Variants in H2AC20 observed in about 807,000 individuals in gnomAD.
The protein encoded by H2AC20 is histone H2A type 2-C.
H2AC20 carries 7 observed loss-of-function variants against 7.1 expected under a neutral mutation model. The ratio of observed to expected loss-of-function variants is 0.99; its 90% CI spans 0.56 to 1.85. The LOEUF (loss-of-function observed/expected upper bound fraction) is 1.85. Ranked by LOEUF, H2AC20 falls within the 40% of genes most tolerant of loss-of-function variation. H2AC20 has a pLI of 0.00. For synonymous variants in H2AC20, 97 were observed against 82.2 expected (o/e 1.18, Z -0.98); for missense variants, 127 against 179.6 (o/e 0.71, Z 1.67).
rs782232831 is a variant in H2AC20, at chr1:149,887,199, G to A, written c.225G>A (p.Lys75=). ...CGGGCAACGCGGCTCGGGACAACAA[G>A]AAGACGCGCATCATCCCTCGTCACC... ...ELAGNAARDN[K]KTRIIPRHLQ... is the part of the protein sequence containing the mutation. The change falls in exon 1 of 1, where the codon AAG becomes AAA. Residue 75 remains lysine, a synonymous_variant. Transcript: ENST00000331380. The A allele has an allele frequency of 1.9e-6, 3 of 1,614,120 alleles. No individual in the cohort carries two copies. Among genetic ancestry groups the A allele is most frequent in the East Asian group, 2.2e-5 (1 of 44,852 alleles).
In H2AC20 at chr1:149,886,963, T is replaced by C. The variant is rs1256101492; in HGVS notation, c.-12T>C. On this transcript the variant is annotated 5_prime_UTR_variant, in exon 1 of 1. Coordinates refer to ENST00000331380, the MANE Select transcript of H2AC20 (RefSeq NM_003517.3). Reference sequence around the variant, plus strand: ...TTCTGAGCGTTGTCTGTGTTTAACCTTGATTTCAGTCATGTCTGGTCGTGG... The same window carrying C: ...TTCTGAGCGTTGTCTGTGTTTAACCCTGATTTCAGTCATGTCTGGTCGTGG... The C allele has an allele frequency of 1.2e-6, 2 of 1,614,066 alleles. No individual in the cohort carries two copies. The highest frequency in any genetic ancestry group is 1.3e-5 in the African/African-American group (1 of 74,958).
In H2AC20 at chr1:149,887,266, C is replaced by A. The variant is rs782746050; in HGVS notation, c.292C>A (p.Leu98Met). 1.2e-6 allele frequency: 2 copies of A among 1,614,240 alleles called. No homozygotes were observed. The highest frequency in any genetic ancestry group is 2.2e-5 in the South Asian group (2 of 91,090). Residue 98 changes from leucine to methionine, a missense_variant, in exon 1 of 1, where the codon CTG becomes ATG. Leu to Met is a conservative substitution (Grantham distance 15). Transcript: ENST00000331380. ...IRNDEELNKLLGKVTIAQGGV... is the reference protein window; with the variant it reads ...IRNDEELNKLMGKVTIAQGGV... ...CAACGACGAGGAACTGAACAAGCTG[C>A]TGGGCAAAGTCACCATCGCCCAGGG...
At chr1:149,887,410 CAA>C (rs1253531497) in exon 1 of H2AC20, 1 of 1,572,728 alleles carries the variant, frequency 6.4e-7, no homozygotes, top group African/African-American at 1.4e-5. Context: ...TAGAGCCACC[CAA>C]GTTTTCAAAA....
chr1:149,887,234 C>A lies in H2AC20; in HGVS notation c.260C>A (p.Ala87Asp), dbSNP rs1412846768. The change falls in exon 1 of 1, where the codon GCC becomes GAC. Residue 87 changes from alanine (A) to aspartate (D), a missense_variant. Coordinates refer to ENST00000331380, the MANE Select transcript of H2AC20 (RefSeq NM_003517.3). ...ATCATCCCTCGTCACCTCCAGCTGG[C>A]CATCCGCAACGACGAGGAACTGAAC... ...TRIIPRHLQL[A>D]IRNDEELNKL... 1 of 1,614,082 alleles carries A rather than the reference C, an allele frequency of 6.2e-7. No individual in the cohort carries two copies. The highest frequency in any genetic ancestry group is 8.5e-7 in the Non-Finnish European group (1 of 1,180,046).
rs781925694 is a variant in H2AC20, at chr1:149,886,971, A to G, written c.-4A>G. On this transcript the variant is annotated 5_prime_UTR_variant, in exon 1 of 1. Coordinates refer to ENST00000331380, the MANE Select transcript of H2AC20 (RefSeq NM_003517.3). The stretch of plus-strand genomic sequence containing the variant: ...GTTGTCTGTGTTTAACCTTGATTTC[A>G]GTCATGTCTGGTCGTGGCAAACAAG... The G allele has an allele frequency of 1.7e-5, 27 of 1,614,036 alleles. No individual in the cohort carries two copies. Among genetic ancestry groups the G allele is most frequent in the Non-Finnish European group, 2.2e-5 (26 of 1,180,014 alleles).
Position 149,887,260 on chromosome 1 carries a change from A to T in H2AC20, c.286A>T (p.Lys96Ter). 1 of 1,614,206 alleles carries T rather than the reference A, an allele frequency of 6.2e-7. No homozygotes were observed. Among genetic ancestry groups the T allele is most frequent in the Middle Eastern group, 1.6e-4 (1 of 6,062 alleles). ...LAIRNDEELN[K>*]LLGKVTIAQG... ...CATCCGCAACGACGAGGAACTGAAC[A>T]AGCTGCTGGGCAAAGTCACCATCGC... Residue 96 changes from lysine to a stop codon, truncating the protein, a stop_gained, in exon 1 of 1, where the codon AAG becomes TAG. Coordinates refer to ENST00000331380, the MANE Select transcript of H2AC20 (RefSeq NM_003517.3). LOFTEE classifies it high-confidence loss of function.
Position 149,887,027 on chromosome 1 carries a change from G to A in H2AC20, c.53G>A (p.Arg18His), listed in dbSNP as rs782646084. 1 of 1,614,112 alleles carries A rather than the reference G, an allele frequency of 6.2e-7. No homozygotes were observed. The highest frequency in any genetic ancestry group is 1.3e-5 in the African/African-American group (1 of 74,948). ...GGKARAKAKS[R>H]SSRAGLQFPV... is the part of the protein sequence containing the mutation. ...AAGGCCCGCGCCAAGGCCAAGTCGC[G>A]CTCGTCCCGCGCTGGCCTCCAGTTC... Residue 18 changes from arginine to histidine, a missense_variant, in exon 1 of 1, where the codon CGC (arginine) becomes CAC (histidine). Physicochemically the swap from Arg to His is conservative, Grantham distance 29 (BLOSUM62 0). Coordinates refer to ENST00000331380, the MANE Select transcript of H2AC20 (RefSeq NM_003517.3).
chr1:149,887,145 G>A lies in H2AC20; in HGVS notation c.171G>A (p.Glu57=), dbSNP rs781790628. 1 of 1,614,164 alleles carries A rather than the reference G, an allele frequency of 6.2e-7. No homozygotes were observed. Among genetic ancestry groups the A allele is most frequent in the South Asian group, 1.1e-5 (1 of 91,082 alleles). ...GAPVYMAAVL[E]YLTAEILELA... ...CCGTCTACATGGCGGCGGTCCTCGA[G>A]TACCTGACCGCCGAGATCCTGGAGC... The change falls in exon 1 of 1, where the codon GAG becomes GAA. Residue 57 remains glutamate, a synonymous_variant. Transcript: ENST00000331380.
In H2AC20 at chr1:149,887,034, C is replaced by T; in HGVS notation, c.60C>T (p.Ser20=). Residue 20 remains serine, a synonymous_variant, in exon 1 of 1, where the codon TCC becomes TCT. Coordinates refer to ENST00000331380, the MANE Select transcript of H2AC20 (RefSeq NM_003517.3). ...GCGCCAAGGCCAAGTCGCGCTCGTCCCGCGCTGGCCTCCAGTTCCCGGTAG... is the reference window on the plus strand; with the variant it reads ...GCGCCAAGGCCAAGTCGCGCTCGTCTCGCGCTGGCCTCCAGTTCCCGGTAG... ...KARAKAKSRS[S]RAGLQFPVGR... The T allele has an allele frequency of 6.2e-7, 1 of 1,614,232 alleles. No individual in the cohort carries two copies. Among genetic ancestry groups the T allele is most frequent in the African/African-American group, 1.3e-5 (1 of 75,068 alleles).
Position 149,887,091 on chromosome 1 carries a change from C to A in H2AC20, c.117C>A (p.Asn39Lys), listed in dbSNP as rs2092305974. 2.5e-6 allele frequency: 4 copies of A among 1,613,896 alleles called. No individual in the cohort carries two copies. In the South Asian group the frequency reaches 3.3e-5, roughly 13 times the overall value. ...TGCACCGCTTGCTGCGCAAAGGCAA[C>A]TACGCGGAGCGGGTGGGGGCCGGCG... ...GRVHRLLRKG[N>K]YAERVGAGAP... is the part of the protein sequence containing the mutation. The change falls in exon 1 of 1, where the codon AAC becomes AAA. Residue 39 changes from asparagine to lysine, a missense_variant. Asn to Lys is a moderately conservative substitution (Grantham distance 94). Coordinates refer to ENST00000331380, the MANE Select transcript of H2AC20 (RefSeq NM_003517.3).
rs142055068 is a variant in H2AC20, at chr1:149,887,174, C to T, written c.200C>T (p.Ala67Val). The change falls in exon 1 of 1, where the codon GCG (alanine) becomes GTG (valine). Residue 67 changes from alanine to valine, a missense_variant. By Grantham distance (64) the Ala-to-Val change is moderately conservative. Transcript: ENST00000331380. ...EYLTAEILEL[A>V]GNAARDNKKT... ...CTGACCGCCGAGATCCTGGAGCTGG[C>T]GGGCAACGCGGCTCGGGACAACAAG... 18 of 1,614,122 alleles carry T rather than the reference C, an allele frequency of 1.1e-5. No individual in the cohort carries two copies. Among genetic ancestry groups the T allele is most frequent in the Non-Finnish European group, 1.4e-5 (17 of 1,180,036 alleles).
chr1:149,887,301 G>C lies in H2AC20; in HGVS notation c.327G>C (p.Leu109Phe). Residue 109 changes from leucine (L) to phenylalanine (F), a missense_variant, in exon 1 of 1, where the codon TTG (leucine) becomes TTC (phenylalanine). Transcript: ENST00000331380. ...TCACCATCGCCCAGGGCGGCGTTTT[G>C]CCTAACATCCAGGCCGTTCTGTTAC... ...GKVTIAQGGV[L>F]PNIQAVLLPK... is the part of the protein sequence containing the mutation. The C allele has an allele frequency of 6.2e-7, 1 of 1,614,240 alleles. No homozygotes were observed. The highest frequency in any genetic ancestry group is 8.5e-7 in the Non-Finnish European group (1 of 1,180,040).
chr1:149,887,145 G>T lies in H2AC20; in HGVS notation c.171G>T (p.Glu57Asp), dbSNP rs781790628. 6.2e-7 allele frequency: 1 copy of T among 1,614,164 alleles called. No individual in the cohort carries two copies. The highest frequency in any genetic ancestry group is 1.7e-5 in the Admixed American group (1 of 60,034). ...CCGTCTACATGGCGGCGGTCCTCGA[G>T]TACCTGACCGCCGAGATCCTGGAGC... is the stretch of plus-strand genomic sequence containing the variant. The part of the protein sequence containing the change: ...GAPVYMAAVL[E>D]YLTAEILELA... The change falls in exon 1 of 1, where the codon GAG (glutamate) becomes GAT (aspartate). Residue 57 changes from glutamate to aspartate, a missense_variant. Glu to Asp is a conservative substitution (Grantham distance 45). Transcript: ENST00000331380.
chr1:149,887,362 T>A lies in H2AC20; in HGVS notation c.388T>A (p.Ter130LysextTer?). 6.2e-7 allele frequency: 1 copy of A among 1,610,974 alleles called. No homozygotes were observed. Among genetic ancestry groups the A allele is most frequent in the South Asian group, 1.1e-5 (1 of 90,826 alleles). ...CGAAAGCCACAAAGCCAAAAGCAAA[T>A]AAATGCAGACAAACAAACCAAGACC... is the stretch of plus-strand genomic sequence containing the variant. Reference protein sequence around the residue: ...KTESHKAKSK* With the variant: ...KTESHKAKSKK Residue 130 changes from the stop codon to lysine, a stop_lost, in exon 1 of 1, where the codon TAA (stop) becomes AAA (lysine). Transcript: ENST00000331380.
chr1:149,887,032 T>A lies in H2AC20; in HGVS notation c.58T>A (p.Ser20Thr). ...CCGCGCCAAGGCCAAGTCGCGCTCG[T>A]CCCGCGCTGGCCTCCAGTTCCCGGT... Reference protein sequence around the residue: ...KARAKAKSRSSRAGLQFPVGR... With the variant: ...KARAKAKSRSTRAGLQFPVGR... The change falls in exon 1 of 1, where the codon TCC (serine) becomes ACC (threonine). Residue 20 changes from serine (S) to threonine (T), a missense_variant. By Grantham distance (58) the Ser-to-Thr change is moderately conservative. Coordinates refer to ENST00000331380, the MANE Select transcript of H2AC20 (RefSeq NM_003517.3). The A allele has an allele frequency of 6.2e-7, 1 of 1,614,214 alleles. No homozygotes were observed. Among genetic ancestry groups the A allele is most frequent in the Non-Finnish European group, 8.5e-7 (1 of 1,180,028 alleles).
In H2AC20 at chr1:149,887,139, C is replaced by T; in HGVS notation, c.165C>T (p.Val55=). Residue 55 remains valine, a synonymous_variant, in exon 1 of 1, where the codon GTC becomes GTT. Transcript: ENST00000331380. ...GCGCGCCCGTCTACATGGCGGCGGT[C>T]CTCGAGTACCTGACCGCCGAGATCC... ...GAGAPVYMAA[V]LEYLTAEILE... is the part of the protein sequence containing the mutation. The T allele has an allele frequency of 1.2e-6, 2 of 1,614,170 alleles. No individual in the cohort carries two copies. The highest frequency in any genetic ancestry group is 1.3e-5 in the African/African-American group (1 of 75,056).
Position 149,887,308 on chromosome 1 carries a change from A to C in H2AC20, c.334A>C (p.Ile112Leu), listed in dbSNP as rs1294380431. 1 of 1,614,124 alleles carries C rather than the reference A, an allele frequency of 6.2e-7. No individual in the cohort carries two copies. The highest frequency in any genetic ancestry group is 1.3e-5 in the African/African-American group (1 of 74,950). Reference protein sequence around the residue: ...TIAQGGVLPNIQAVLLPKKTE... With the variant: ...TIAQGGVLPNLQAVLLPKKTE... Reference sequence around the variant, plus strand: ...CGCCCAGGGCGGCGTTTTGCCTAACATCCAGGCCGTTCTGTTACCAAAGAA... The same window carrying C: ...CGCCCAGGGCGGCGTTTTGCCTAACCTCCAGGCCGTTCTGTTACCAAAGAA... The change falls in exon 1 of 1, where the codon ATC (isoleucine) becomes CTC (leucine). Residue 112 changes from isoleucine (I) to leucine (L), a missense_variant. Coordinates refer to ENST00000331380, the MANE Select transcript of H2AC20 (RefSeq NM_003517.3).
At position 149,887,288 on chromosome 1, in the gene H2AC20, A is replaced by G; in HGVS notation, c.314A>G (p.Gln105Arg). Residue 105 changes from glutamine to arginine, a missense_variant, in exon 1 of 1, where the codon CAG (glutamine) becomes CGG (arginine). Transcript: ENST00000331380. ...NKLLGKVTIA[Q>R]GGVLPNIQAV... is the part of the protein sequence containing the mutation. ...CTGCTGGGCAAAGTCACCATCGCCC[A>G]GGGCGGCGTTTTGCCTAACATCCAG... is the stretch of plus-strand genomic sequence containing the variant. 6.2e-7 allele frequency: 1 copy of G among 1,614,246 alleles called. No homozygotes were observed. The highest frequency in any genetic ancestry group is 8.5e-7 in the Non-Finnish European group (1 of 1,180,044).
In H2AC20 at chr1:149,887,054, C is replaced by G; in HGVS notation, c.80C>G (p.Pro27Arg). The change falls in exon 1 of 1, where the codon CCG becomes CGG. Residue 27 changes from proline to arginine, a missense_variant. Coordinates refer to ENST00000331380, the MANE Select transcript of H2AC20 (RefSeq NM_003517.3). Reference protein sequence around the residue: ...SRSSRAGLQFPVGRVHRLLRK... With the variant: ...SRSSRAGLQFRVGRVHRLLRK... ...TCGTCCCGCGCTGGCCTCCAGTTCCCGGTAGGGCGAGTGCACCGCTTGCTG... is the reference window on the plus strand; with the variant it reads ...TCGTCCCGCGCTGGCCTCCAGTTCCGGGTAGGGCGAGTGCACCGCTTGCTG... 1 of 1,614,146 alleles carries G rather than the reference C, an allele frequency of 6.2e-7. No individual in the cohort carries two copies. The highest frequency in any genetic ancestry group is 8.5e-7 in the Non-Finnish European group (1 of 1,180,008).
Sources: allele counts gnomAD v4.1 joint callset, GRCh38; gene constraint gnomAD v4.1.1; transcripts MANE v1.5; gene names NCBI Gene and HGNC (gene_info 2026-07-23, HGNC 2026-07-21).